Variants in CCDC180 observed in about 807,000 individuals in gnomAD.
The protein encoded by CCDC180 is coiled-coil domain-containing protein 180.
Under a neutral mutation model 209.2 loss-of-function variants are expected in CCDC180, and 154 were observed. The ratio of observed to expected loss-of-function variants is 0.74; its 90% CI spans 0.65 to 0.84. The LOEUF (loss-of-function observed/expected upper bound fraction) is 0.84, where lower values mean the gene tolerates loss of function less well. Among genes scored for constraint, CCDC180 ranks in the 40% least tolerant of loss-of-function variants. The probability of loss-of-function intolerance (pLI) is 0.00; values close to 1 mark genes in which losing one functional copy is unlikely to be tolerated. For synonymous variants in CCDC180, 778 were observed against 749.1 expected (o/e 1.04, Z -0.63); for missense variants, 1,874 against 1,997.3 (o/e 0.94, Z 1.18).
chr9:97,374,410 G>A (rs976158814), intron 34 of CCDC180, 133 bp from the exon 35 acceptor site: 2 of 659,836 alleles, frequency 3.0e-6, no homozygotes, highest in Non-Finnish European at 5.2e-6. Flanking sequence ...CCATGGAGAG[G>A]GCTCAGCCTG....
Position 97,366,763 on chromosome 9 carries a change from C to T in CCDC180, c.4189+63C>T, listed in dbSNP as rs1425955109. The T allele has an allele frequency of 5.1e-6, 8 of 1,567,572 alleles. No homozygotes were observed. The highest frequency in any genetic ancestry group is 2.3e-5 in the East Asian group (1 of 43,904). On this transcript the variant is annotated intron_variant, in intron 31 of 36. Coordinates refer to ENST00000529487, the MANE Select transcript of CCDC180 (RefSeq NM_020893.6). The surrounding 1 kb of genome is among the most constrained non-coding windows in gnomAD (Gnocchi z 4.3). ...GGGGCGCGAAGCCAGTGGTGGAGCT[C>T]GGCCTTGGCCTTGTGGCCTGGATCC...
chr9:97,342,255 G>C (rs144478401), intron 18 of CCDC180, among the ~76,000 whole-genome samples: 1 of 152,320 alleles, frequency 6.6e-6, no homozygotes, highest in East Asian at 1.9e-4. Flanking sequence ...CATCTTCTGC[G>C]TTGATCGTGC....
intron 2 of CCDC180, among the ~76,000 whole-genome samples, chr9:97,308,622 G>T (rs143578356): frequency 6.6e-6 from 1 of 152,188 alleles, no homozygotes; most frequent in African/African-American, 2.4e-5. Flanking sequence ...AACAGTGTAG[G>T]TTGTTGAAAT....
intron 15 of CCDC180, among the ~76,000 whole-genome samples, chr9:97,326,909 A>T (rs1166859790): frequency 6.6e-6 from 1 of 152,220 alleles, no homozygotes; most frequent in African/African-American, 2.4e-5. Context: ...GTTCAAGAAC[A>T]TGGGGCCTTC....
rs1827279570 is a variant in CCDC180 at position 97,377,064 on chromosome 9, C to T, written c.*170C>T. The stretch of plus-strand genomic sequence containing the variant: ...CAGGACACAGCATGGTCCCTGCCCA[C>T]GTGGAGCCCTCTTCCCATGAGGAAG... On this transcript the variant is annotated 3_prime_UTR_variant, in exon 37 of 37. Transcript: ENST00000529487. 8.6e-6 allele frequency: 5 copies of T among 584,186 alleles called. No individual in the cohort carries two copies. The highest frequency in any genetic ancestry group is 3.8e-5 in the Admixed American group (1 of 26,586). The allele number at this position is 584,186 out of a possible 1,614,324, so 36.2% of individuals were successfully genotyped here. A position where few individuals can be genotyped will look rare whatever the true frequency, so the allele number is the denominator to read the frequency against.
rs768731150 is a variant in CCDC180 at position 97,312,121 on chromosome 9, A to G, written c.269A>G (p.Glu90Gly). ...MENPVLHREKERAKREKARES... is the reference protein window; with the variant it reads ...MENPVLHREKGRAKREKARES... Reference sequence around the variant, plus strand: ...CTCTGCTTGTGTCTCAGGGAAAAGGAAAGAGCCAAGAGGGAAAAAGCCCGA... The same window carrying G: ...CTCTGCTTGTGTCTCAGGGAAAAGGGAAGAGCCAAGAGGGAAAAAGCCCGA... The change falls in exon 4 of 37, where the codon GAA becomes GGA. Residue 90 changes from glutamate to glycine, a missense_variant. Physicochemically the swap from Glu to Gly is moderately conservative, Grantham distance 98 (BLOSUM62 -2). Coordinates refer to ENST00000529487, the MANE Select transcript of CCDC180 (RefSeq NM_020893.6). The G allele has an allele frequency of 1.9e-5, 30 of 1,613,996 alleles. No individual in the cohort carries two copies. In the South Asian group the frequency reaches 3.0e-4, roughly 16 times the overall value.
rs770708870 is a variant in CCDC180 at position 97,313,319 on chromosome 9, CAGG to C, written c.439_441del (p.Glu147del). The C allele has an allele frequency of 6.0e-5, 97 of 1,611,948 alleles. No homozygotes were observed. Among genetic ancestry groups the C allele is most frequent in the Non-Finnish European group, 7.5e-5 (88 of 1,178,648 alleles). ...CTACGAGAGCGCTCTGGCCAGCTTT[CAGG>C]AGGAGATTGCGCAGGTGGGAAAGGT... On this transcript the variant is annotated inframe_deletion, in exon 5 of 37. Transcript: ENST00000529487.
intron 25 of CCDC180, among the ~76,000 whole-genome samples, chr9:97,358,213 C>T (rs915783393): frequency 5.3e-5 from 8 of 151,542 alleles, no homozygotes; most frequent in Non-Finnish European, 1.0e-4. Flanking sequence ...CCTCTGCCTC[C>T]GGGTTCAAGT....
At chr9:97,331,813 CAT>C (rs1328985251) in intron 18 of CCDC180, among the ~76,000 whole-genome samples, 7 of 152,106 alleles carry the variant, frequency 4.6e-5, no homozygotes, top group Non-Finnish European at 8.8e-5. Context: ...TTGTCAGATG[CAT>C]AGTTTGCAAT....
At position 97,308,139 on chromosome 9, in the gene CCDC180, G is replaced by A. The variant is rs377586546; in HGVS notation, c.69+7G>A. 1.9e-6 allele frequency: 3 copies of A among 1,588,150 alleles called. No homozygotes were observed. In the African/African-American group the frequency reaches 4.0e-5, roughly 21 times the overall value. On this transcript the variant is annotated splice_region_variant and intron_variant, in intron 2 of 36. Transcript: ENST00000529487. ...GCAGATCTTCCAGGCTGAGGTAGGA[G>A]CCGCCCTCTGTCCCGCTTTTCTCCA... is the stretch of plus-strand genomic sequence containing the variant.
At chr9:97,355,690 G>A (rs1485344507) in intron 24 of CCDC180, among the ~76,000 whole-genome samples, 2 of 152,206 alleles carry the variant, frequency 1.3e-5, no homozygotes, top group Non-Finnish European at 2.9e-5. Context: ...CGACACCAGA[G>A]CTTATGGCCT....
rs1826935123 is a variant in CCDC180 at position 97,366,751 on chromosome 9, A to G, written c.4189+51A>G. On this transcript the variant is annotated intron_variant, in intron 31 of 36. Coordinates refer to ENST00000529487, the MANE Select transcript of CCDC180 (RefSeq NM_020893.6). This position sits in a 1 kb window ranked among gnomAD's most constrained non-coding sequence, Gnocchi z 4.3. Reference sequence around the variant, plus strand: ...GGGGAACAGGGCGGGGCGCGAAGCCAGTGGTGGAGCTCGGCCTTGGCCTTG... The same window carrying G: ...GGGGAACAGGGCGGGGCGCGAAGCCGGTGGTGGAGCTCGGCCTTGGCCTTG... 3 of 1,594,916 alleles carry G rather than the reference A, an allele frequency of 1.9e-6. No homozygotes were observed. Among genetic ancestry groups the G allele is most frequent in the African/African-American group, 2.7e-5 (2 of 74,570 alleles).
chr9:97,365,881 C>A, intron 30 of CCDC180, 142 bp downstream of exon 30: 1 of 685,480 alleles, frequency 1.5e-6, no homozygotes. Context: ...GCTTCTGTCA[C>A]CTCCCTATGA....
At chr9:97,307,922 C>T in intron 1 of CCDC180, 61 bp from the exon 2 acceptor site, 1 of 1,580,386 alleles carries the variant, frequency 6.3e-7, no homozygotes, top group South Asian at 1.2e-5. Flanking sequence ...CGCCTCGAGG[C>T]CAGACGTCGT....
intron 36 of CCDC180, chr9:97,376,230 C>T (rs76002702): frequency 6.4e-6 from 1 of 156,710 alleles, no homozygotes; most frequent in East Asian, 1.9e-4. Flanking sequence ...CTTTGAAGAT[C>T]TGTGGACCTT....
At chr9:97,337,328 G>T (rs1463815350) in intron 18 of CCDC180, among the ~76,000 whole-genome samples, 1 of 152,172 alleles carries the variant, frequency 6.6e-6, no homozygotes, top group Non-Finnish European at 1.5e-5. Context: ...ATTATTTTGA[G>T]ATATGTTCCA....
intron 22 of CCDC180, among the ~76,000 whole-genome samples, chr9:97,351,283 G>C (rs911328482): frequency 2.3e-4 from 35 of 152,160 alleles, no homozygotes; most frequent in African/African-American, 5.6e-4. Flanking sequence ...AATGCACAAG[G>C]GTTCCAGTTT....
At chr9:97,360,335 G>T (rs925211836) in intron 26 of CCDC180, among the ~76,000 whole-genome samples, 2 of 152,012 alleles carry the variant, frequency 1.3e-5, no homozygotes, top group Admixed American at 1.3e-4. Context: ...TCAGCTCCTG[G>T]CACTACCTCA....
intron 20 of CCDC180, 83 bp downstream of exon 20, chr9:97,347,572 C>A: frequency 1.5e-6 from 2 of 1,324,358 alleles, no homozygotes; most frequent in Non-Finnish European, 2.1e-6. Flanking sequence ...TGTTCATTAG[C>A]TGCCCCAGTT....
Sources: allele counts gnomAD v4.1 joint callset (sites outside exome capture counted in the v4.1 genomes callset), GRCh38; gene constraint gnomAD v4.1.1; non-coding constraint Gnocchi (gnomAD v3.1); transcripts MANE v1.5; gene names NCBI Gene and HGNC (gene_info 2026-07-23, HGNC 2026-07-21).